Variants in DPPA2 observed in about 807,000 individuals in gnomAD.
DPPA2 encodes developmental pluripotency-associated protein 2.
A neutral mutation model predicts 36.2 loss-of-function variants in DPPA2; 26 were observed. That is an observed-to-expected ratio of 0.72 (90% CI 0.53 to 1.00). The LOEUF is 1.00. Among genes scored for constraint, DPPA2 ranks in the 50% least tolerant of loss-of-function variants. The probability of loss-of-function intolerance (pLI) is 0.00; values close to 1 mark genes in which losing one functional copy is unlikely to be tolerated. For synonymous variants in DPPA2, 113 were observed against 123.2 expected (o/e 0.92, Z 0.55); for missense variants, 361 against 365.1 (o/e 0.99, Z 0.09).
intron 8 of DPPA2, among the ~76,000 whole-genome samples, 152 bp from the exon 9 acceptor site, chr3:109,294,156 T>C (rs536221835): frequency 6.6e-6 from 1 of 152,276 alleles, no homozygotes; most frequent in Non-Finnish European, 1.5e-5. Context: ...CAGATGGAAA[T>C]ACTAGACAAT....
chr3:109,296,241 G>T (rs1388330017), intron 8 of DPPA2, among the ~76,000 whole-genome samples: 1 of 152,020 alleles, frequency 6.6e-6, no homozygotes, highest in Non-Finnish European at 1.5e-5. Flanking sequence ...TACTCAAACT[G>T]CAGAAAAACA....
At position 109,303,111 on chromosome 3, in the gene DPPA2, T is replaced by G. The variant is rs189174055; in HGVS notation, c.854+1364A>C. 3.1e-3 allele frequency among the ~76,000 whole-genome samples: 472 copies of G among 152,286 alleles called. 4 individuals carry two copies. Among genetic ancestry groups the G allele is most frequent in the Non-Finnish European group, 2.7e-3 (187 of 68,024 alleles). On this transcript the variant is annotated intron_variant, in intron 7 of 8. Coordinates refer to ENST00000478945, the MANE Select transcript of DPPA2 (RefSeq NM_138815.4). Reference sequence around the variant, plus strand: ...TATTATATTCTTTATTTATTTTTAGTAGAAACAGGGTTTCACCATGTTGGC... The same window carrying G: ...TATTATATTCTTTATTTATTTTTAGGAGAAACAGGGTTTCACCATGTTGGC...
Position 109,309,239 on chromosome 3 carries a change from G to T in DPPA2, c.273C>A (p.Pro91=), listed in dbSNP as rs149547798. Residue 91 remains proline (P), a synonymous_variant, in exon 4 of 9, where the codon CCC becomes CCA. Transcript: ENST00000478945. ...PALPLPTILP[P]INKVCRDTLR... ...AAGTGTCCCGACACACCTTATTAATGGGAGGCAAAATGGTCGGCAAGGGAA... is the reference window on the plus strand; with the variant it reads ...AAGTGTCCCGACACACCTTATTAATTGGAGGCAAAATGGTCGGCAAGGGAA... 6.2e-7 allele frequency: 1 copy of T among 1,614,028 alleles called. No individual in the cohort carries two copies. The highest frequency in any genetic ancestry group is 1.3e-5 in the African/African-American group (1 of 74,920).
intron 8 of DPPA2, among the ~76,000 whole-genome samples, chr3:109,297,722 G>T (rs1707379215): frequency 6.6e-6 from 1 of 152,146 alleles, no homozygotes. Flanking sequence ...AACACATGGA[G>T]GAATCTTCAC....
chr3:109,305,774 CA>C (rs35410330), intron 6 of DPPA2, among the ~76,000 whole-genome samples: 31,381 of 83,190 alleles, frequency 0.38, 3,671 homozygotes, highest in Middle Eastern at 0.4. Flanking sequence ...AACTCCATCT[CA>C]AAAAAAAAAA....
At chr3:109,297,870 G>T (rs904017190) in intron 8 of DPPA2, among the ~76,000 whole-genome samples, 1 of 152,114 alleles carries the variant, frequency 6.6e-6, no homozygotes, top group Non-Finnish European at 1.5e-5. Context: ...ACTTTGGGAG[G>T]CTAAGGCAGA....
At chr3:109,298,065 T>G (rs564587981) in intron 8 of DPPA2, among the ~76,000 whole-genome samples, 25 of 151,912 alleles carry the variant, frequency 1.6e-4, no homozygotes, top group African/African-American at 6.0e-4. Flanking sequence ...GAGCTATGAC[T>G]GCACCATTGC....
chr3:109,314,973 G>T (rs1245200030), intron 1 of DPPA2, among the ~76,000 whole-genome samples: 1 of 152,178 alleles, frequency 6.6e-6, no homozygotes, highest in Non-Finnish European at 1.5e-5. Context: ...GGGGTTGGTG[G>T]GAGGACTGCT....
At position 109,312,624 on chromosome 3, in the gene DPPA2, G is replaced by A. The variant is rs572153453; in HGVS notation, c.102C>T (p.Asp34=). 4.8e-5 allele frequency: 77 copies of A among 1,613,720 alleles called. No individual in the cohort carries two copies. The highest frequency in any genetic ancestry group is 3.1e-4 in the South Asian group (28 of 91,048). The change falls in exon 3 of 9, where the codon GAC becomes GAT. Residue 34 remains aspartate (D), a synonymous_variant. Transcript: ENST00000478945. ...VILTLVPVKD[D]ANMEQMEPSV... ...TTGGTTCCATTTGTTCCATATTTGC[G>A]TCATCTTTAACTGGCACCAGTGTCA...
intron 1 of DPPA2, 87 bp from the exon 2 acceptor site, chr3:109,314,642 T>TCTA: frequency 1.5e-6 from 2 of 1,319,074 alleles, no homozygotes; most frequent in South Asian, 3.2e-5. Flanking sequence ...AATGTTTCCT[T>TCTA]CTACTTCCTG....
chr3:109,299,680 C>A (rs2107303439), intron 8 of DPPA2, among the ~76,000 whole-genome samples: 1 of 145,762 alleles, frequency 6.9e-6, no homozygotes, highest in Admixed American at 6.8e-5. Flanking sequence ...GAATGAGACC[C>A]CGTCTCAAAA....
rs775746537 is a variant in DPPA2, at chr3:109,308,269, T to C, written c.421A>G (p.Thr141Ala). 1 of 1,614,240 alleles carries C rather than the reference T, an allele frequency of 6.2e-7. No individual in the cohort carries two copies. The highest frequency in any genetic ancestry group is 2.2e-5 in the East Asian group (1 of 44,882). Residue 141 changes from threonine (T) to alanine (A), a missense_variant, in exon 6 of 9, where the codon ACC becomes GCC. Thr to Ala is a moderately conservative substitution (Grantham distance 58, BLOSUM62 0). Transcript: ENST00000478945. ...TTCCTCGAACATCGCTGTAATCTGGTCTCTTGTGACATTTCAGGCATATCC... is the reference window on the plus strand; with the variant it reads ...TTCCTCGAACATCGCTGTAATCTGGCCTCTTGTGACATTTCAGGCATATCC... ...RQDMPEMSQE[T>A]RLQRCSRKRK...
chr3:109,310,567 G>A (rs1441567376), intron 3 of DPPA2, among the ~76,000 whole-genome samples: 1 of 150,636 alleles, frequency 6.6e-6, no homozygotes. Context: ...GTGCAGTGGC[G>A]CGATCTCAGC....
intron 7 of DPPA2, among the ~76,000 whole-genome samples, chr3:109,300,807 G>A (rs1396579711): frequency 3.4e-5 from 4 of 117,696 alleles, no homozygotes; most frequent in Non-Finnish European, 6.6e-5. Flanking sequence ...AGGTGACAGA[G>A]CGAGACTCAG....
At chr3:109,300,886 G>A (rs934739560) in intron 7 of DPPA2, among the ~76,000 whole-genome samples, 4 of 150,940 alleles carry the variant, frequency 2.7e-5, no homozygotes, top group African/African-American at 9.7e-5. Flanking sequence ...CTAAAACCTA[G>A]GAATGGTGCA....
chr3:109,296,726 G>A (rs1446459229), intron 8 of DPPA2, among the ~76,000 whole-genome samples: 1 of 151,648 alleles, frequency 6.6e-6, no homozygotes, highest in Non-Finnish European at 1.5e-5. Context: ...AAAATTATCT[G>A]CAAAAGATAT....
At position 109,313,705 on chromosome 3, in the gene DPPA2, G is replaced by C. The variant is rs139473446; in HGVS notation, c.33+805C>G. Reference sequence around the variant, plus strand: ...CCAAGGGTGAATAAACTCCATTCCAGTCCTATTGCAATATTCTCTTCTAGT... The same window carrying C: ...CCAAGGGTGAATAAACTCCATTCCACTCCTATTGCAATATTCTCTTCTAGT... On this transcript the variant is annotated intron_variant, in intron 2 of 8. Transcript: ENST00000478945. Among the ~76,000 whole-genome samples, 690 of 152,190 alleles carry C rather than the reference G, an allele frequency of 4.5e-3. 1 individual carries two copies. The highest frequency in any genetic ancestry group is 8.7e-3 in the South Asian group (42 of 4,826).
At chr3:109,295,813 C>T (rs1275749143) in intron 8 of DPPA2, among the ~76,000 whole-genome samples, 1 of 151,662 alleles carries the variant, frequency 6.6e-6, no homozygotes, top group Non-Finnish European at 1.5e-5. Flanking sequence ...AAAAAGTGGA[C>T]AAGATACAAA....
At chr3:109,305,609 T>C (rs1707544472) in intron 6 of DPPA2, among the ~76,000 whole-genome samples, 1 of 152,038 alleles carries the variant, frequency 6.6e-6, no homozygotes, top group African/African-American at 2.4e-5. Context: ...ACCCCATCTC[T>C]ACTAAAAATA....
Sources: allele counts gnomAD v4.1 joint callset (sites outside exome capture counted in the v4.1 genomes callset), GRCh38; gene constraint gnomAD v4.1.1; transcripts MANE v1.5; gene names NCBI Gene and HGNC (gene_info 2026-07-23, HGNC 2026-07-21).